POU6F2: variants seen among roughly 807,000 people sequenced by gnomAD.
POU6F2 encodes the protein POU domain, class 6, transcription factor 2.
Under a neutral mutation model 71.3 loss-of-function variants are expected in POU6F2, and 31 were observed. That is an observed-to-expected ratio of 0.43 (90% CI 0.33 to 0.59). The LOEUF (loss-of-function observed/expected upper bound fraction) is 0.59, where lower values mean the gene tolerates loss of function less well. Ranked by LOEUF, POU6F2 falls within the 20% of genes least tolerant of loss-of-function variation. The pLI, the probability that POU6F2 is intolerant of heterozygous loss-of-function variation, is 0.04. For missense variants in POU6F2, 783 were observed against 856.8 expected, an observed-to-expected ratio of 0.91 and a Z score of 1.07; for synonymous variants, 347 against 355.7, an observed-to-expected ratio of 0.98 and a Z score of 0.27.
chr7:39,282,590 G>C (rs746702178), intron 4 of POU6F2, among the ~76,000 whole-genome samples: 11 of 152,094 alleles, frequency 7.2e-5, no homozygotes, highest in East Asian at 1.9e-4. Context: ...TCAGTTCGCT[G>C]TAAGTGTATG....
intron 2 of POU6F2, among the ~76,000 whole-genome samples, chr7:39,092,306 C>G (rs1008159364): frequency 2.6e-5 from 4 of 152,122 alleles, no homozygotes; most frequent in African/African-American, 7.2e-5. Flanking sequence ...CTTTAATATC[C>G]AGCCTGGCTC....
rs1788024133 is a variant in POU6F2, at chr7:39,428,541, A to T, written c.1114-4536A>T. Among the ~76,000 whole-genome samples, 39 of 152,222 alleles carry T rather than the reference A, an allele frequency of 2.6e-4. 1 individual carries two copies. The highest frequency in any genetic ancestry group is 2.6e-3 in the Admixed American group (39 of 15,290). On this transcript the variant is annotated intron_variant, in intron 6 of 9. Coordinates refer to ENST00000518318, the MANE Select transcript of POU6F2 (RefSeq NM_001370959.1). ...CAATAACTTAACTGAAAAATTTCTA[A>T]TGTTGCAACCTAGGCATAGAGTAGG... is the stretch of plus-strand genomic sequence containing the variant.
chr7:39,140,829 T>G (rs755913193), intron 2 of POU6F2, among the ~76,000 whole-genome samples: 6 of 152,092 alleles, frequency 3.9e-5, no homozygotes, highest in Non-Finnish European at 8.8e-5. Flanking sequence ...CTTGCTCAGG[T>G]ATTTGGAATG....
intron 2 of POU6F2, among the ~76,000 whole-genome samples, chr7:39,101,208 G>A: frequency 6.6e-6 from 1 of 151,776 alleles, no homozygotes; most frequent in East Asian, 1.9e-4. Context: ...TGAGTAGCTG[G>A]GATTACAGCC....
chr7:39,130,147 GGTGTGT>G (rs10600961), intron 2 of POU6F2, among the ~76,000 whole-genome samples: 36,191 of 143,282 alleles, frequency 0.25, 4,954 homozygotes, highest in East Asian at 0.55. Context: ...GAAAGGGGTA[GGTGTGT>G]GTGTGTGTGT....
At chr7:38,998,838 T>TTTTTTTTG (rs869182741) in intron 1 of POU6F2, among the ~76,000 whole-genome samples, 2 of 141,330 alleles carry the variant, frequency 1.4e-5, no homozygotes, top group Non-Finnish European at 1.5e-5. Flanking sequence ...TTTTTTTTTT[T>TTTTTTTTG]TATTTTCAGT....
chr7:39,192,811 G>T (rs1469103158), intron 2 of POU6F2, among the ~76,000 whole-genome samples: 1 of 152,100 alleles, frequency 6.6e-6, no homozygotes, highest in Non-Finnish European at 1.5e-5. Context: ...TAGGAGCTGT[G>T]GGTGCATTCC....
chr7:39,386,260 C>A (rs1786942061), intron 5 of POU6F2, among the ~76,000 whole-genome samples: 1 of 152,188 alleles, frequency 6.6e-6, no homozygotes, highest in Non-Finnish European at 1.5e-5. Context: ...CACCTGCTCT[C>A]TTCTTCAGGG....
At chr7:39,029,143 TTTTTCAAC>T (rs1396718074) in intron 1 of POU6F2, among the ~76,000 whole-genome samples, 1 of 152,124 alleles carries the variant, frequency 6.6e-6, no homozygotes, top group Non-Finnish European at 1.5e-5. Context: ...TTAACACAAA[TTTTTCAAC>T]TTTTCATATT....
intron 5 of POU6F2, among the ~76,000 whole-genome samples, chr7:39,398,345 T>C (rs1365743474): frequency 6.6e-6 from 1 of 151,214 alleles, no homozygotes; most frequent in East Asian, 1.9e-4. Context: ...AATTGAAGGG[T>C]TTCTTAAAAA....
At chr7:39,245,216 G>T (rs148892593) in intron 4 of POU6F2, among the ~76,000 whole-genome samples, 61 of 152,324 alleles carry the variant, frequency 4.0e-4, no homozygotes, top group African/African-American at 1.4e-3. Flanking sequence ...CCTGCATTAA[G>T]ATCTTGAGTT....
At chr7:39,291,600 T>G (rs1346490350) in intron 4 of POU6F2, among the ~76,000 whole-genome samples, 1 of 152,164 alleles carries the variant, frequency 6.6e-6, no homozygotes, top group Non-Finnish European at 1.5e-5. Flanking sequence ...TTTCCCAACG[T>G]GGCTGCAGGA....
chr7:39,041,738 C>T (rs149564401), intron 1 of POU6F2, among the ~76,000 whole-genome samples: 25 of 151,678 alleles, frequency 1.6e-4, no homozygotes, highest in Middle Eastern at 3.4e-3. Flanking sequence ...AAAATTTTGC[C>T]TTATGATATC....
chr7:38,996,027 G>A (rs1221524698), intron 1 of POU6F2, among the ~76,000 whole-genome samples: 3 of 129,474 alleles, frequency 2.3e-5, no homozygotes, highest in Non-Finnish European at 3.2e-5. Context: ...CCTTAGTAAG[G>A]GGCTTGGCTT....
intron 4 of POU6F2, among the ~76,000 whole-genome samples, chr7:39,319,212 A>G (rs1198727598): frequency 6.6e-6 from 1 of 152,158 alleles, no homozygotes; most frequent in Non-Finnish European, 1.5e-5. Context: ...ACCAAATTGT[A>G]AGCAGAAAGC....
At chr7:39,372,265 CCACAAAATTT>C (rs1490151776) in intron 5 of POU6F2, among the ~76,000 whole-genome samples, 2 of 151,974 alleles carry the variant, frequency 1.3e-5, no homozygotes, top group African/African-American at 4.8e-5. Flanking sequence ...AAACAAATTT[CCACAAAATTT>C]TTATTGATGA....
chr7:39,431,640 C>T (rs1267580490), intron 6 of POU6F2, among the ~76,000 whole-genome samples: 1 of 152,162 alleles, frequency 6.6e-6, no homozygotes, highest in East Asian at 1.9e-4. Context: ...GATGGAAAAG[C>T]GAGCACGTGG....
chr7:39,353,932 G>C (rs1227115430), intron 5 of POU6F2, among the ~76,000 whole-genome samples: 2 of 152,224 alleles, frequency 1.3e-5, no homozygotes, highest in Non-Finnish European at 2.9e-5. Context: ...TCGGGTTACA[G>C]CTGTAGGTCT....
chr7:39,294,538 G>C (rs1178692258), intron 4 of POU6F2, among the ~76,000 whole-genome samples: 1 of 151,874 alleles, frequency 6.6e-6, no homozygotes, highest in Non-Finnish European at 1.5e-5. Context: ...CAAACTGTGT[G>C]TAAGTACAAA....
Sources: gnomAD v4.1 joint callset for allele counts (sites outside exome capture counted in the v4.1 genomes callset) on GRCh38, gnomAD v4.1.1 for gene constraint, MANE v1.5 for transcripts, NCBI Gene and HGNC (gene_info 2026-07-23, HGNC 2026-07-21) for gene names.